MCUB: variants seen among roughly 807,000 people sequenced by gnomAD.
The protein encoded by MCUB is mitochondrial calcium uniporter dominant negative subunit beta.
A neutral mutation model predicts 41.4 loss-of-function variants in MCUB; 46 were observed. The observed-to-expected ratio is 1.11, with a 90% CI of 0.88 to 1.42. MCUB has a LOEUF of 1.42. Among genes scored for constraint, MCUB ranks in the 40% most tolerant of loss-of-function variants. The pLI, the probability that MCUB is intolerant of heterozygous loss-of-function variation, is 0.00. For synonymous variants in MCUB, 148 were observed against 148.2 expected (o/e 1.00, Z 0.01); for missense variants, 403 against 404.9 (o/e 1.00, Z 0.04).
At chr4:109,611,163 T>C (rs1728000402) in intron 1 of MCUB, among the ~76,000 whole-genome samples, 1 of 152,072 alleles carries the variant, frequency 6.6e-6, no homozygotes, top group Admixed American at 6.6e-5. Flanking sequence ...AAGGGCTAGA[T>C]AAACATCTCT....
At chr4:109,677,908 C>G (rs1729609858) in intron 4 of MCUB, among the ~76,000 whole-genome samples, 1 of 142,836 alleles carries the variant, frequency 7.0e-6, no homozygotes. Context: ...GAGAGAAGGT[C>G]AGCAGATAAA....
At chr4:109,668,628 G>A (rs1369507153) in intron 4 of MCUB, among the ~76,000 whole-genome samples, 1 of 151,352 alleles carries the variant, frequency 6.6e-6, no homozygotes, top group Non-Finnish European at 1.5e-5. Context: ...TTAGGCCATT[G>A]ACATTCAAAT....
chr4:109,577,598 CTTTTTTTTTTTTT>C lies in MCUB; in HGVS notation c.99+17179_99+17191del, dbSNP rs71594195. 4.1e-5 allele frequency among the ~76,000 whole-genome samples: 2 copies of C among 48,662 alleles called. 1 individual carries two copies. The highest frequency in any genetic ancestry group is 8.3e-5 in the Non-Finnish European group (2 of 24,150). The allele number at this position is 48,662 out of a possible 152,430, so 31.9% of individuals were successfully genotyped here. On this transcript the variant is annotated intron_variant, in intron 1 of 7. Transcript: ENST00000394650. ...ATAGCCTAAAATGGGTACTTGAATT[CTTTTTTTTTTTTT>C]TTTTTTTTTTTTTTTTGAGATGGAG...
chr4:109,566,856 A>G (rs1483300558), intron 1 of MCUB, among the ~76,000 whole-genome samples: 1 of 152,164 alleles, frequency 6.6e-6, no homozygotes, highest in Non-Finnish European at 1.5e-5. Context: ...TCTATTCATG[A>G]CCCAAACGCA....
At position 109,682,279 on chromosome 4, in the gene MCUB, C is replaced by T. The variant is rs573850626; in HGVS notation, c.452-303C>T. 2.5e-4 allele frequency among the ~76,000 whole-genome samples: 38 copies of T among 150,906 alleles called. No individual in the cohort carries two copies. In the South Asian group the frequency reaches 7.8e-3, roughly 31 times the overall value. On this transcript the variant is annotated intron_variant, in intron 4 of 7. Transcript: ENST00000394650. ...CTTGTAGCTGCTTATGCTCAATTGC[C>T]TTCAGCTGAAAATAATCCTTATGCC...
intron 1 of MCUB, among the ~76,000 whole-genome samples, chr4:109,580,106 A>G (rs1034523894): frequency 2.6e-5 from 4 of 151,422 alleles, no homozygotes; most frequent in Admixed American, 1.3e-4. Flanking sequence ...TTCAGTTCCC[A>G]ATTGTGAGTG....
At chr4:109,577,412 G>A (rs1236867464) in intron 1 of MCUB, among the ~76,000 whole-genome samples, 2 of 152,060 alleles carry the variant, frequency 1.3e-5, no homozygotes, top group Non-Finnish European at 2.9e-5. Flanking sequence ...CATGAGCTTT[G>A]TCTCACTCAG....
At chr4:109,645,381 T>G (rs1219722426) in intron 1 of MCUB, among the ~76,000 whole-genome samples, 3 of 152,070 alleles carry the variant, frequency 2.0e-5, no homozygotes, top group African/African-American at 7.2e-5. Context: ...CTAGATTACC[T>G]TAACAGTTTC....
intron 1 of MCUB, among the ~76,000 whole-genome samples, chr4:109,581,327 A>T (rs980905094): frequency 9.2e-5 from 14 of 152,352 alleles, no homozygotes; most frequent in East Asian, 1.9e-4. Context: ...CTGGCTAGCC[A>T]TATGTAGAAA....
At chr4:109,589,963 G>C (rs1727394484) in intron 1 of MCUB, among the ~76,000 whole-genome samples, 1 of 152,152 alleles carries the variant, frequency 6.6e-6, no homozygotes, top group Non-Finnish European at 1.5e-5. Context: ...TCCTCTAGTT[G>C]ATACAGATCC....
At chr4:109,658,105 G>A (rs1729145377) in intron 1 of MCUB, among the ~76,000 whole-genome samples, 1 of 152,144 alleles carries the variant, frequency 6.6e-6, no homozygotes, top group Non-Finnish European at 1.5e-5. Flanking sequence ...TAGGATTACA[G>A]GCGTGAGCCA....
chr4:109,579,190 T>G (rs947508819), intron 1 of MCUB, among the ~76,000 whole-genome samples: 1 of 152,212 alleles, frequency 6.6e-6, no homozygotes, highest in African/African-American at 2.4e-5. Context: ...AACTCAGAAG[T>G]GTATGGGTTG....
chr4:109,589,942 T>G (rs1195111893), intron 1 of MCUB, among the ~76,000 whole-genome samples: 2 of 152,232 alleles, frequency 1.3e-5, no homozygotes, highest in Non-Finnish European at 2.9e-5. Context: ...TAGGAACATC[T>G]TGTGTTTCTT....
intron 1 of MCUB, among the ~76,000 whole-genome samples, chr4:109,641,397 C>A (rs1441047132): frequency 1.3e-5 from 2 of 152,026 alleles, no homozygotes; most frequent in Non-Finnish European, 2.9e-5. Flanking sequence ...AGTCACCGCA[C>A]CCGGCCTAAC....
intron 1 of MCUB, among the ~76,000 whole-genome samples, chr4:109,569,418 A>C (rs1318847279): frequency 6.6e-6 from 1 of 152,022 alleles, no homozygotes; most frequent in Non-Finnish European, 1.5e-5. Context: ...AGGATTTTTA[A>C]AGGGCATAAT....
At chr4:109,582,970 G>A (rs1727218355) in intron 1 of MCUB, among the ~76,000 whole-genome samples, 1 of 152,168 alleles carries the variant, frequency 6.6e-6, no homozygotes, top group South Asian at 2.1e-4. Flanking sequence ...CTGTAGCCTT[G>A]TAGTATAGTT....
At chr4:109,633,306 C>T (rs969562960) in intron 1 of MCUB, among the ~76,000 whole-genome samples, 6 of 151,490 alleles carry the variant, frequency 4.0e-5, no homozygotes, top group South Asian at 2.1e-4. Context: ...CTCGGTCTGT[C>T]GCCCGGGCTG....
chr4:109,685,069 A>G (rs1191894578), intron 6 of MCUB, 182 bp from the exon 7 acceptor site: 4 of 463,020 alleles, frequency 8.6e-6, no homozygotes, highest in Admixed American at 7.6e-5. Context: ...AAGGAGCAGC[A>G]GATCTTAAAT....
chr4:109,654,107 T>C (rs566595369), intron 1 of MCUB, among the ~76,000 whole-genome samples: 4 of 105,962 alleles, frequency 3.8e-5, no homozygotes, highest in African/African-American at 1.4e-4. Flanking sequence ...ATCTTAAAAA[T>C]AAATGTGTTG....
Sources: allele counts gnomAD v4.1 joint callset (sites outside exome capture counted in the v4.1 genomes callset), GRCh38; gene constraint gnomAD v4.1.1; transcripts MANE v1.5; gene names NCBI Gene and HGNC (gene_info 2026-07-23, HGNC 2026-07-21).